The following GTF2F1 variants were observed in gnomAD, a reference collection of about 807,000 sequenced individuals.
The protein encoded by GTF2F1 is general transcription factor IIF subunit 1, also known as general transcription factor IIF 74 kDa subunit.
A neutral mutation model predicts 63.5 loss-of-function variants in GTF2F1; 39 were observed. That is an observed-to-expected ratio of 0.61 (90% CI 0.48 to 0.80). The LOEUF is 0.80. Among genes scored for constraint, GTF2F1 ranks in the 30% least tolerant of loss-of-function variants. The pLI, the probability that GTF2F1 is intolerant of heterozygous loss-of-function variation, is 0.00. For missense variants in GTF2F1, 657 were observed against 718.3 expected, an observed-to-expected ratio of 0.91 and a Z score of 0.97; for synonymous variants, 287 against 285.3, an observed-to-expected ratio of 1.01 and a Z score of -0.06.
Position 6,381,512 on chromosome 19 carries a change from A to G in GTF2F1, c.899-34T>C. On this transcript the variant is annotated intron_variant, in intron 8 of 12. Transcript: ENST00000394456. This position sits in a 1 kb window ranked among gnomAD's most constrained non-coding sequence, Gnocchi z 4.1. ...GGCAGGGTATGAGCAAGAGCAGGGA[A>G]GCACCGCCCCCATCTCCCCGGCCCG... The G allele has an allele frequency of 6.2e-7, 1 of 1,609,484 alleles. No homozygotes were observed. The highest frequency in any genetic ancestry group is 1.3e-5 in the African/African-American group (1 of 75,048).
rs748577087 is a variant in GTF2F1 at position 6,389,569 on chromosome 19, C to G, written c.201G>C (p.Ala67=). The change falls in exon 4 of 13, where the codon GCG becomes GCC. Residue 67 remains alanine (A), a synonymous_variant. Transcript: ENST00000394456. ...YQEEEMPESG[A]GSEFNRKLRE... is the part of the protein sequence containing the mutation. ...GAAGCTTGCGGTTGAACTCACTGCC[C>G]GCGCCCGATTCGGGCATCTCCTCCT... is the stretch of plus-strand genomic sequence containing the variant. 28 of 1,614,094 alleles carry G rather than the reference C, an allele frequency of 1.7e-5. No individual in the cohort carries two copies. The highest frequency in any genetic ancestry group is 2.3e-5 in the Non-Finnish European group (27 of 1,180,034).
rs1234195952 is a variant in GTF2F1, at chr19:6,381,336, T to C, written c.1018+23A>G. 1 of 1,562,986 alleles carries C rather than the reference T, an allele frequency of 6.4e-7. No homozygotes were observed. Among genetic ancestry groups the C allele is most frequent in the Non-Finnish European group, 8.7e-7 (1 of 1,153,486 alleles). On this transcript the variant is annotated intron_variant, in intron 9 of 12. Transcript: ENST00000394456. This position sits in a 1 kb window ranked among gnomAD's most constrained non-coding sequence, Gnocchi z 4.1. ...GCCAGGGCCCGACCCAAGCCTCCAA[T>C]ATGGGGGCCACATGCGCCGCACCTT...
chr19:6,387,618 C>G (rs1037622238), intron 4 of GTF2F1, 59 bp from the exon 5 acceptor site: 1 of 1,375,168 alleles, frequency 7.3e-7, no homozygotes, highest in East Asian at 2.3e-5. Context: ...CCCCCCGTGT[C>G]CCCCCGGGGC....
chr19:6,383,593 C>G lies in GTF2F1; in HGVS notation c.498-98G>C. Reference sequence around the variant, plus strand: ...CCCAGGGCACCACCCACATAGCCTTCAAGGTGATGTGGCCCCCGGGGACTT... The same window carrying G: ...CCCAGGGCACCACCCACATAGCCTTGAAGGTGATGTGGCCCCCGGGGACTT... On this transcript the variant is annotated intron_variant, in intron 5 of 12. Coordinates refer to ENST00000394456, the MANE Select transcript of GTF2F1 (RefSeq NM_002096.3). The surrounding 1 kb of genome is among the most constrained non-coding windows in gnomAD (Gnocchi z 4.5). 1.5e-6 allele frequency: 2 copies of G among 1,301,130 alleles called. No homozygotes were observed. Among genetic ancestry groups the G allele is most frequent in the Non-Finnish European group, 2.2e-6 (2 of 928,122 alleles). 80.6% of individuals were successfully genotyped at this position (1,301,130 alleles called of 1,614,324 possible).
chr19:6,391,542 C>A (rs1236303734), intron 3 of GTF2F1, among the ~76,000 whole-genome samples: 1 of 150,182 alleles, frequency 6.7e-6, no homozygotes, highest in Non-Finnish European at 1.5e-5. Context: ...AGCCTTGAAC[C>A]CCTGGGCTCA....
Position 6,383,347 on chromosome 19 carries a change from TCTCCAGGTCGTC to T in GTF2F1, c.634_645del (p.Asp212_Glu215del), listed in dbSNP as rs758617962. On this transcript the variant is annotated inframe_deletion, in exon 6 of 13. Coordinates refer to ENST00000394456, the MANE Select transcript of GTF2F1 (RefSeq NM_002096.3). This position sits in a 1 kb window ranked among gnomAD's most constrained non-coding sequence, Gnocchi z 4.5. ...CTGGCATCACTGGCATCGGACGACA[TCTCCAGGTCGTC>T]CTCCAGGTCGTGGATGCGCAGCTCG... 1 of 1,614,138 alleles carries T rather than the reference TCTCCAGGTCGTC, an allele frequency of 6.2e-7. No individual in the cohort carries two copies. Among genetic ancestry groups the T allele is most frequent in the Non-Finnish European group, 8.5e-7 (1 of 1,180,036 alleles).
rs2091944126 is a variant in GTF2F1 at position 6,380,786 on chromosome 19, G to T, written c.1232-96C>A. ...GCAGTGCCAGGATTAGGGTTCAAGG[G>T]GATCAGGGAGAGACAGGCCTCCACC... On this transcript the variant is annotated intron_variant, in intron 11 of 12. Transcript: ENST00000394456. The surrounding 1 kb of genome is among the most constrained non-coding windows in gnomAD (Gnocchi z 5.3). 6.5e-7 allele frequency: 1 copy of T among 1,530,760 alleles called. No homozygotes were observed. The highest frequency in any genetic ancestry group is 8.9e-7 in the Non-Finnish European group (1 of 1,129,502). 94.8% of individuals were successfully genotyped at this position (1,530,760 alleles called of 1,614,324 possible). A position where few individuals can be genotyped will look rare whatever the true frequency, so the allele number is the denominator to read the frequency against.
At chr19:6,387,936 A>AT (rs370487214) in intron 4 of GTF2F1, among the ~76,000 whole-genome samples, 6 of 145,790 alleles carry the variant, frequency 4.1e-5, no homozygotes, top group Admixed American at 6.8e-5. Context: ...GCATGGCCAA[A>AT]TTTTTTTTTT....
At chr19:6,385,989 TG>T (rs1385393955) in intron 5 of GTF2F1, among the ~76,000 whole-genome samples, 1 of 152,044 alleles carries the variant, frequency 6.6e-6, no homozygotes, top group African/African-American at 2.4e-5. Flanking sequence ...GGCCAGAGAA[TG>T]GCATGAACCC....
chr19:6,380,528 C>A lies in GTF2F1; in HGVS notation c.1350-43G>T, dbSNP rs893925186. On this transcript the variant is annotated intron_variant, in intron 12 of 12. Transcript: ENST00000394456. This position sits in a 1 kb window ranked among gnomAD's most constrained non-coding sequence, Gnocchi z 5.3. ...GGGAAGGTGGCATCAGTGAGATTGT[C>A]CCCAGTAGCCCTTGCCCTGCCCCCT... is the stretch of plus-strand genomic sequence containing the variant. 6.2e-6 allele frequency: 10 copies of A among 1,611,618 alleles called. No homozygotes were observed. Among genetic ancestry groups the A allele is most frequent in the Middle Eastern group, 1.6e-4 (1 of 6,074 alleles).
chr19:6,392,278 G>A (rs1402212476), intron 2 of GTF2F1: 2 of 500,082 alleles, frequency 4.0e-6, no homozygotes, highest in East Asian at 5.7e-5. Context: ...TGCCAGAGAA[G>A]CTAGACCCAT....
chr19:6,392,114 A>G (rs1218735142), intron 2 of GTF2F1, 140 bp from the exon 3 acceptor site: 1 of 678,556 alleles, frequency 1.5e-6, no homozygotes, highest in Admixed American at 2.1e-5. Flanking sequence ...CTTTAATTCA[A>G]TCACTCAATT....
At position 6,393,156 on chromosome 19, in the gene GTF2F1, C is replaced by T; in HGVS notation, c.-161G>A. ...CGCCTCTGGCGCTGGGAAAAGGTAA[C>T]CGGAAGAGGCGCTCAAGCTACTCGG... On this transcript the variant is annotated 5_prime_UTR_variant, in exon 1 of 13. Coordinates refer to ENST00000394456, the MANE Select transcript of GTF2F1 (RefSeq NM_002096.3). The T allele has an allele frequency of 1.2e-6, 1 of 850,220 alleles. No individual in the cohort carries two copies. Among genetic ancestry groups the T allele is most frequent in the East Asian group, 2.6e-5 (1 of 37,756 alleles). The allele number at this position is 850,220 out of a possible 1,614,324, so 52.7% of individuals were successfully genotyped here. A position where few individuals can be genotyped will look rare whatever the true frequency, so the allele number is the denominator to read the frequency against.
intron 6 of GTF2F1, among the ~76,000 whole-genome samples, chr19:6,382,942 C>G (rs146757012): frequency 6.6e-6 from 1 of 152,096 alleles, no homozygotes; most frequent in Non-Finnish European, 1.5e-5. Context: ...CTCTCTGTTG[C>G]CCAGGCTGGA....
Position 6,380,567 on chromosome 19 carries a change from A to G in GTF2F1, c.1349+6T>C. ...GCCCTGCCCCCTGCTGTCCTCGTCA[A>G]CTTACCCGCTGTTGGGTGTTGTCTT... On this transcript the variant is annotated splice_donor_region_variant and intron_variant, in intron 12 of 12. Transcript: ENST00000394456. The surrounding 1 kb of genome is among the most constrained non-coding windows in gnomAD (Gnocchi z 5.3). 1 of 1,613,718 alleles carries G rather than the reference A, an allele frequency of 6.2e-7. No individual in the cohort carries two copies. The highest frequency in any genetic ancestry group is 8.5e-7 in the Non-Finnish European group (1 of 1,179,776).
At chr19:6,386,228 T>C (rs2091973321) in intron 5 of GTF2F1, among the ~76,000 whole-genome samples, 1 of 151,122 alleles carries the variant, frequency 6.6e-6, no homozygotes, top group African/African-American at 2.4e-5. Context: ...CTACAAAAAA[T>C]ACAAAGTTAG....
At position 6,389,449 on chromosome 19, in the gene GTF2F1, G is replaced by C. The variant is rs753500247; in HGVS notation, c.321C>G (p.Gly107=). ...PWLLRVNGKS[G]RKFKGIKKGG... is the part of the protein sequence containing the mutation. ...GCCACCGCCCCACCACTTACTTCCT[G>C]CCTGATTTGCCGTTGACCCGGAGCA... The change falls in exon 4 of 13, where the codon GGC becomes GGG. Residue 107 remains glycine, a synonymous_variant. Coordinates refer to ENST00000394456, the MANE Select transcript of GTF2F1 (RefSeq NM_002096.3). 4 of 1,613,442 alleles carry C rather than the reference G, an allele frequency of 2.5e-6. No individual in the cohort carries two copies. The African/African-American group carries it at 5.3e-5, about 22-fold the overall frequency.
Position 6,381,946 on chromosome 19 carries a change from T to TG in GTF2F1, c.683-97dup, listed in dbSNP as rs757712772. On this transcript the variant is annotated intron_variant, in intron 6 of 12. Transcript: ENST00000394456. This position sits in a 1 kb window ranked among gnomAD's most constrained non-coding sequence, Gnocchi z 4.1. Reference sequence around the variant, plus strand: ...CACATTTTGTGCAGTTTTGACATCCTGGGGGGCCTCACTGACTGGGGAGAC... The same window carrying TG: ...CACATTTTGTGCAGTTTTGACATCCTGGGGGGGCCTCACTGACTGGGGAGAC... 5.7e-6 allele frequency: 6 copies of TG among 1,048,972 alleles called. No homozygotes were observed. Among genetic ancestry groups the TG allele is most frequent in the Non-Finnish European group, 4.2e-6 (3 of 718,656 alleles). The allele number at this position is 1,048,972 out of a possible 1,614,324, so 65.0% of individuals were successfully genotyped here. A position where few individuals can be genotyped will look rare whatever the true frequency, so the allele number is the denominator to read the frequency against.
At position 6,383,214 on chromosome 19, in the gene GTF2F1, C is replaced by A; in HGVS notation, c.682+97G>T. On this transcript the variant is annotated intron_variant, in intron 6 of 12. Transcript: ENST00000394456. This position sits in a 1 kb window ranked among gnomAD's most constrained non-coding sequence, Gnocchi z 4.5. ...ACTGTGCCCGGCCCCACTTGCCTCT[C>A]ATTCTAGGGCCACTGTGAGCGATGG... 2 of 1,327,588 alleles carry A rather than the reference C, an allele frequency of 1.5e-6. No individual in the cohort carries two copies. Among genetic ancestry groups the A allele is most frequent in the East Asian group, 2.3e-5 (1 of 42,886 alleles). 82.2% of individuals were successfully genotyped at this position (1,327,588 alleles called of 1,614,324 possible).
Sources: allele counts gnomAD v4.1 joint callset (sites outside exome capture counted in the v4.1 genomes callset), GRCh38; gene constraint gnomAD v4.1.1; non-coding constraint Gnocchi (gnomAD v3.1); transcripts MANE v1.5; gene names NCBI Gene and HGNC (gene_info 2026-07-23, HGNC 2026-07-21).